DOCK1: variants seen among roughly 807,000 people sequenced by gnomAD.
DOCK1 encodes dedicator of cytokinesis 1.
In DOCK1, 138 loss-of-function variants were observed where a neutral mutation model predicts 262.7. The observed-to-expected ratio is 0.53, with a 90% CI of 0.46 to 0.61. DOCK1 has a LOEUF of 0.61. DOCK1 is among the 20% of genes least tolerant of loss of function. DOCK1 has a pLI of 0.00. For missense variants in DOCK1, 1,908 were observed against 2,370.7 expected (o/e 0.80, Z 4.05); for synonymous variants, 866 against 867.4 (o/e 1.00, Z 0.03).
At chr10:127,378,332 T>G (rs924211735) in intron 35 of DOCK1, among the ~76,000 whole-genome samples, 1 of 151,942 alleles carries the variant, frequency 6.6e-6, no homozygotes, top group African/African-American at 2.4e-5. Context: ...TGGATTGGAG[T>G]TGGGGGGCCG....
At chr10:127,358,324 A>G (rs1178055146) in intron 32 of DOCK1, among the ~76,000 whole-genome samples, 1 of 152,052 alleles carries the variant, frequency 6.6e-6, no homozygotes, top group Non-Finnish European at 1.5e-5. Flanking sequence ...CATGGGACAG[A>G]GTGATGTGTT....
At chr10:127,045,825 C>T (rs1158858777) in intron 21 of DOCK1, among the ~76,000 whole-genome samples, 2 of 152,204 alleles carry the variant, frequency 1.3e-5, no homozygotes, top group Non-Finnish European at 1.5e-5. Flanking sequence ...CCCTATGGAG[C>T]TGCTGCAGGC....
Position 127,332,343 on chromosome 10 carries a change from TA to T in DOCK1, c.3045-6661del, listed in dbSNP as rs559639612. Among the ~76,000 whole-genome samples the T allele has an allele frequency of 2.8e-3, 421 of 152,320 alleles. 4 individuals carry two copies. The highest frequency in any genetic ancestry group is 9.6e-3 in the African/African-American group (399 of 41,582). On this transcript the variant is annotated intron_variant, in intron 29 of 51. Coordinates refer to ENST00000623213, the MANE Select transcript of DOCK1 (RefSeq NM_001290223.2). ...TTTAGTTAAGAGTTTGATGGAGGCT[TA>T]AGCTTTTATTGATTTGAAAAAGAAA...
In DOCK1 at chr10:127,196,808, C is replaced by T. The variant is rs537988493; in HGVS notation, c.2848-51200C>T. Among the ~76,000 whole-genome samples the T allele has an allele frequency of 2.0e-5, 3 of 151,908 alleles. No homozygotes were observed. The South Asian group carries it at 6.2e-4, about 32-fold the overall frequency. ...CGGGGCTCCGCCACAGCGCGTCCTC[C>T]GGGTTTCTGGGCTGCAGGCGGCGCT... On this transcript the variant is annotated intron_variant, in intron 27 of 51. Transcript: ENST00000623213.
At chr10:126,931,928 T>C (rs1226617790) in intron 1 of DOCK1, among the ~76,000 whole-genome samples, 4 of 152,128 alleles carry the variant, frequency 2.6e-5, no homozygotes, top group African/African-American at 7.2e-5. Flanking sequence ...CAGAGGTTAC[T>C]TAGAAAGGTA....
At chr10:127,149,394 C>T (rs1185855174) in intron 27 of DOCK1, among the ~76,000 whole-genome samples, 1 of 152,168 alleles carries the variant, frequency 6.6e-6, no homozygotes, top group East Asian at 1.9e-4. Context: ...GACCGTTTGT[C>T]CTTTTGATGC....
intron 29 of DOCK1, among the ~76,000 whole-genome samples, chr10:127,298,249 T>C (rs971086488): frequency 6.6e-6 from 1 of 152,198 alleles, no homozygotes; most frequent in African/African-American, 2.4e-5. Context: ...AAATCACAGG[T>C]CAGCCAATCA....
At chr10:127,155,932 G>A (rs2053000727) in intron 27 of DOCK1, among the ~76,000 whole-genome samples, 1 of 152,180 alleles carries the variant, frequency 6.6e-6, no homozygotes, top group Non-Finnish European at 1.5e-5. Context: ...ATGAGGTACT[G>A]CTCTACTATT....
At chr10:127,082,322 G>T (rs1266355557) in intron 23 of DOCK1, among the ~76,000 whole-genome samples, 1 of 152,090 alleles carries the variant, frequency 6.6e-6, no homozygotes, top group South Asian at 2.1e-4. Flanking sequence ...TTCTCACGCT[G>T]CCAATAAAGA....
intron 1 of DOCK1, among the ~76,000 whole-genome samples, chr10:126,942,365 T>G (rs1442170282): frequency 6.6e-6 from 1 of 152,178 alleles, no homozygotes; most frequent in African/African-American, 2.4e-5. Flanking sequence ...TCCTGAGGAA[T>G]GAGCTCAAGG....
intron 35 of DOCK1, among the ~76,000 whole-genome samples, chr10:127,375,100 AC>A (rs1224760623): frequency 2.1e-4 from 32 of 152,090 alleles, no homozygotes; most frequent in Admixed American, 5.2e-4. Context: ...TTCTGTGGAC[AC>A]CCCCTTCCTG....
chr10:126,932,535 G>A (rs1362533204), intron 1 of DOCK1, among the ~76,000 whole-genome samples: 4 of 152,166 alleles, frequency 2.6e-5, no homozygotes, highest in African/African-American at 9.7e-5. Context: ...TTGGAGAGGC[G>A]GAGACACCAG....
intron 29 of DOCK1, 48 bp downstream of exon 29, chr10:127,257,477 A>T (rs780568335): frequency 3.9e-6 from 6 of 1,521,732 alleles, no homozygotes; most frequent in Non-Finnish European, 5.4e-6. Context: ...CTCCCAATTC[A>T]TGTCTGCTGG....
In DOCK1 at chr10:127,451,604, A is replaced by G. The variant is rs2070976747; in HGVS notation, c.*177A>G. The G allele has an allele frequency of 1.4e-6, 2 of 1,434,532 alleles. No individual in the cohort carries two copies. The highest frequency in any genetic ancestry group is 2.8e-5 in the African/African-American group (2 of 70,650). 88.9% of individuals were successfully genotyped at this position (1,434,532 alleles called of 1,614,324 possible). The stretch of plus-strand genomic sequence containing the variant: ...CATGGAGTGAGTGGCCTTTAGCGTC[A>G]TGGAGCAAGGTGGGTCTGGGAGGTA... On this transcript the variant is annotated 3_prime_UTR_variant, in exon 52 of 52. Coordinates refer to ENST00000623213, the MANE Select transcript of DOCK1 (RefSeq NM_001290223.2).
chr10:126,927,875 A>G (rs1306472343), intron 1 of DOCK1, among the ~76,000 whole-genome samples: 1 of 152,272 alleles, frequency 6.6e-6, no homozygotes, highest in Non-Finnish European at 1.5e-5. Context: ...GTGGCTGCCT[A>G]GCAGGAAGGA....
intron 1 of DOCK1, among the ~76,000 whole-genome samples, chr10:126,952,917 T>A (rs2036422314): frequency 6.6e-6 from 1 of 150,764 alleles, no homozygotes; most frequent in East Asian, 2.0e-4. Context: ...GTGATAGTAT[T>A]GTTATTGTTG....
chr10:126,992,709 A>G (rs1200701385), intron 6 of DOCK1, among the ~76,000 whole-genome samples: 1 of 89,868 alleles, frequency 1.1e-5, no homozygotes, highest in Non-Finnish European at 2.1e-5. Flanking sequence ...CAATACACAA[A>G]CACAGGCACA....
intron 27 of DOCK1, among the ~76,000 whole-genome samples, chr10:127,213,659 A>C (rs2058077246): frequency 6.6e-6 from 1 of 152,152 alleles, no homozygotes; most frequent in African/African-American, 2.4e-5. Flanking sequence ...GTGTTTTCCT[A>C]ACTTTCCTTA....
At chr10:127,052,862 G>C in intron 22 of DOCK1, 47 bp downstream of exon 22, 19 of 1,569,266 alleles carry the variant, frequency 1.2e-5, no homozygotes, top group Non-Finnish European at 1.6e-5. Flanking sequence ...GGACTGGCAG[G>C]AGATCCTTCA....
Sources: gnomAD v4.1 joint callset for allele counts (sites outside exome capture counted in the v4.1 genomes callset) on GRCh38, gnomAD v4.1.1 for gene constraint, MANE v1.5 for transcripts, NCBI Gene and HGNC (gene_info 2026-07-23, HGNC 2026-07-21) for gene names.